Variants in AVL9 observed in about 807,000 individuals in gnomAD.
AVL9 encodes AVL9 cell migration associated.
In AVL9, 49 loss-of-function variants were observed where a neutral mutation model predicts 79.2. That is an observed-to-expected ratio of 0.62 (90% CI 0.49 to 0.79). AVL9 has a LOEUF of 0.79. AVL9 is among the 30% of genes least tolerant of loss of function. AVL9 has a pLI of 0.00. For synonymous variants in AVL9, 299 were observed against 280.6 expected (o/e 1.07, Z -0.65); for missense variants, 682 against 776.8 (o/e 0.88, Z 1.45).
At chr7:32,541,926 G>C (rs1173129739) in intron 1 of AVL9, among the ~76,000 whole-genome samples, 2 of 152,002 alleles carry the variant, frequency 1.3e-5, no homozygotes, top group Non-Finnish European at 2.9e-5. Flanking sequence ...TGTCGGCCAG[G>C]CTGGTCTCGA....
chr7:32,528,867 G>T (rs867536782), intron 1 of AVL9, among the ~76,000 whole-genome samples: 2 of 151,782 alleles, frequency 1.3e-5, no homozygotes, highest in African/African-American at 4.8e-5. Flanking sequence ...AAAATTAGCC[G>T]GGCATGGTGG....
intron 13 of AVL9, 132 bp from the exon 14 acceptor site, chr7:32,580,087 C>T: frequency 1.5e-6 from 1 of 670,498 alleles, no homozygotes; most frequent in South Asian, 1.9e-5. Context: ...AGCCAAGTTT[C>T]CCGATACCAA....
At chr7:32,525,942 G>T (rs538719787) in intron 1 of AVL9, among the ~76,000 whole-genome samples, 1 of 152,288 alleles carries the variant, frequency 6.6e-6, no homozygotes, top group Non-Finnish European at 1.5e-5. Flanking sequence ...ATTGTAGGGT[G>T]AGTAGGGCAG....
chr7:32,508,484 T>A (rs1023010085), intron 1 of AVL9, among the ~76,000 whole-genome samples: 2 of 152,266 alleles, frequency 1.3e-5, no homozygotes, highest in Admixed American at 6.5e-5. Context: ...ATATAAAAAT[T>A]GAGATATTTC....
In AVL9 at chr7:32,495,498, G is replaced by A; in HGVS notation, c.-212G>A. 2.6e-6 allele frequency: 1 copy of A among 388,110 alleles called. No homozygotes were observed. Among genetic ancestry groups the A allele is most frequent in the East Asian group, 3.7e-5 (1 of 27,394 alleles). 24.0% of individuals were successfully genotyped at this position (388,110 alleles called of 1,614,324 possible). On this transcript the variant is annotated 5_prime_UTR_variant, in exon 1 of 16. Transcript: ENST00000318709. ...GCCGGCGGCGGCCGCCGTGTCAGGT[G>A]ACAGCCCGGAAGCTGCGGAAGCGGA... is the stretch of plus-strand genomic sequence containing the variant.
At chr7:32,573,645 G>T (rs1444140642) in intron 12 of AVL9, among the ~76,000 whole-genome samples, 1 of 151,976 alleles carries the variant, frequency 6.6e-6, no homozygotes, top group Middle Eastern at 3.2e-3. Context: ...ACTTTTGGTG[G>T]TCCTTTTACA....
intron 12 of AVL9, among the ~76,000 whole-genome samples, chr7:32,575,628 T>A (rs1180151882): frequency 6.6e-6 from 1 of 152,224 alleles, no homozygotes; most frequent in Non-Finnish European, 1.5e-5. Context: ...AGTTTTTGAT[T>A]AATTAATACT....
At chr7:32,563,374 C>G (rs1790413025) in intron 10 of AVL9, among the ~76,000 whole-genome samples, 1 of 151,796 alleles carries the variant, frequency 6.6e-6, no homozygotes, top group African/African-American at 2.4e-5. Context: ...TTTATAATAC[C>G]TAATGCAATG....
chr7:32,512,969 G>C (rs1311657513), intron 1 of AVL9, among the ~76,000 whole-genome samples: 1 of 152,182 alleles, frequency 6.6e-6, no homozygotes, highest in African/African-American at 2.4e-5. Flanking sequence ...CCATGAGGAG[G>C]CATGGAGAGA....
intron 11 of AVL9, among the ~76,000 whole-genome samples, chr7:32,572,340 A>C (rs1790888880): frequency 6.6e-6 from 1 of 151,240 alleles, no homozygotes; most frequent in Non-Finnish European, 1.5e-5. Context: ...TTTCCAAGAC[A>C]GGAGGATACA....
intron 13 of AVL9, 58 bp downstream of exon 13, chr7:32,576,130 T>A: frequency 8.7e-7 from 1 of 1,146,920 alleles, no homozygotes; most frequent in African/African-American, 1.5e-5. Context: ...GAGTGCCCAA[T>A]ACAGAGAAAA....
At chr7:32,560,382 GTCATT>G (rs3079802) in intron 10 of AVL9, among the ~76,000 whole-genome samples, 28,156 of 151,634 alleles carry the variant, frequency 0.19, 2,846 homozygotes, top group South Asian at 0.31. Context: ...ATCCTTTGTT[GTCATT>G]TCAACAACAT....
At chr7:32,579,545 A>ATATATTATATATTATATAT (rs1791366082) in intron 13 of AVL9, among the ~76,000 whole-genome samples, 7 of 4,648 alleles carry the variant, frequency 1.5e-3, no homozygotes, top group South Asian at 8.5e-3. Context: ...ATTATATATT[A>ATATATTATATATTATATAT]TATATTATAT....
chr7:32,576,192 G>T, intron 13 of AVL9, 120 bp downstream of exon 13: 1 of 663,546 alleles, frequency 1.5e-6, no homozygotes, highest in Non-Finnish European at 2.6e-6. Flanking sequence ...CCTTAAGTAG[G>T]TCATAAAAAG....
intron 3 of AVL9, among the ~76,000 whole-genome samples, chr7:32,548,246 C>G (rs1789628033): frequency 6.6e-6 from 1 of 150,426 alleles, no homozygotes; most frequent in South Asian, 2.1e-4. Context: ...CTCCCGGGTT[C>G]AAGCAATTCT....
chr7:32,497,152 TCGA>T, intron 1 of AVL9, among the ~76,000 whole-genome samples: 1 of 152,080 alleles, frequency 6.6e-6, no homozygotes, highest in East Asian at 1.9e-4. Flanking sequence ...GGTGAGGAGT[TCGA>T]AACCAGCCTG....
At chr7:32,514,009 A>C (rs1325946245) in intron 1 of AVL9, among the ~76,000 whole-genome samples, 5 of 152,162 alleles carry the variant, frequency 3.3e-5, no homozygotes, top group African/African-American at 1.2e-4. Flanking sequence ...ATGATGTCTC[A>C]CCTCCAGCCA....
chr7:32,553,045 G>A (rs1279437394), intron 6 of AVL9, among the ~76,000 whole-genome samples: 1 of 152,106 alleles, frequency 6.6e-6, no homozygotes, highest in Non-Finnish European at 1.5e-5. Flanking sequence ...TCACATAGTG[G>A]TTTATGCTCA....
Position 32,580,818 on chromosome 7 carries a change from G to A in AVL9, c.1759G>A (p.Glu587Lys). 6.2e-7 allele frequency: 1 copy of A among 1,613,624 alleles called. No individual in the cohort carries two copies. Among genetic ancestry groups the A allele is most frequent in the Non-Finnish European group, 8.5e-7 (1 of 1,179,766 alleles). Residue 587 changes from glutamate to lysine, a missense_variant, in exon 15 of 16, where the codon GAA becomes AAA. Physicochemically the swap from Glu to Lys is moderately conservative, Grantham distance 56. Coordinates refer to ENST00000318709, the MANE Select transcript of AVL9 (RefSeq NM_015060.3). ...LRFSHSVQNS[E>K]RGKKIGNVMV... The stretch of plus-strand genomic sequence containing the variant: ...TTTACCCAGTTCTGTTCAGAATAGT[G>A]AACGTGGCAAAAAAATTGGAAACGT...
Sources: allele counts gnomAD v4.1 joint callset (sites outside exome capture counted in the v4.1 genomes callset), GRCh38; gene constraint gnomAD v4.1.1; transcripts MANE v1.5; gene names NCBI Gene and HGNC (gene_info 2026-07-23, HGNC 2026-07-21).